The following DIP2B variants were observed in gnomAD, a reference collection of about 807,000 sequenced individuals.
DIP2B encodes DIP2 acetate--CoA ligase B (putative).
A neutral mutation model predicts 198.0 loss-of-function variants in DIP2B; 76 were observed. The ratio of observed to expected loss-of-function variants is 0.38; its 90% CI spans 0.32 to 0.46. DIP2B has a LOEUF of 0.46. Among genes scored for constraint, DIP2B ranks in the 20% least tolerant of loss-of-function variants. DIP2B has a pLI of 0.99. For missense variants in DIP2B, 1,559 were observed against 1,978.4 expected (o/e 0.79, Z 4.02); for synonymous variants, 701 against 739.1 (o/e 0.95, Z 0.84).
chr12:50,700,977 G>A (rs1479992291), intron 19 of DIP2B, among the ~76,000 whole-genome samples: 1 of 152,172 alleles, frequency 6.6e-6, no homozygotes, highest in Non-Finnish European at 1.5e-5. Flanking sequence ...CTCCCAAAGT[G>A]CAAAGATTAC....
chr12:50,735,060 C>T lies in DIP2B; in HGVS notation c.4044-13C>T, dbSNP rs752562932. 4.8e-5 allele frequency: 77 copies of T among 1,613,902 alleles called. No homozygotes were observed. Among genetic ancestry groups the T allele is most frequent in the Non-Finnish European group, 1.1e-5 (13 of 1,179,994 alleles). On this transcript the variant is annotated splice_polypyrimidine_tract_variant and intron_variant, in intron 33 of 37. Transcript: ENST00000301180. ...TAAAAGCCCTATATATAGTAAATAC[C>T]GTTCTTCTGCAGGGTTCGTCTCGTG...
chr12:50,625,354 T>C (rs914236391), intron 1 of DIP2B, among the ~76,000 whole-genome samples: 1 of 152,254 alleles, frequency 6.6e-6, no homozygotes, highest in Non-Finnish European at 1.5e-5. Flanking sequence ...TTGCATTTGT[T>C]GTATATGCAC....
chr12:50,600,088 G>T (rs1958922092), intron 1 of DIP2B, among the ~76,000 whole-genome samples: 1 of 152,182 alleles, frequency 6.6e-6, no homozygotes. Context: ...GAATCAGAAA[G>T]AACTATTTTC....
intron 4 of DIP2B, among the ~76,000 whole-genome samples, chr12:50,664,658 C>T (rs1352192871): frequency 6.6e-6 from 1 of 152,008 alleles, no homozygotes; most frequent in African/African-American, 2.4e-5. Flanking sequence ...TTACCCTTTG[C>T]TGCGTTCTGA....
chr12:50,713,435 T>C (rs187775662), intron 22 of DIP2B, among the ~76,000 whole-genome samples: 207 of 152,372 alleles, frequency 1.4e-3, no homozygotes, highest in African/African-American at 4.9e-3. Context: ...TCAGTTAACA[T>C]AATATTTAAT....
intron 3 of DIP2B, among the ~76,000 whole-genome samples, chr12:50,641,937 C>T (rs896260549): frequency 6.6e-5 from 10 of 152,154 alleles, no homozygotes; most frequent in African/African-American, 2.2e-4. Context: ...CTTCTTTGTA[C>T]TGACCAAGGT....
At chr12:50,627,620 C>G (rs558995582) in intron 2 of DIP2B, among the ~76,000 whole-genome samples, 3 of 152,210 alleles carry the variant, frequency 2.0e-5, no homozygotes, top group African/African-American at 7.2e-5. Flanking sequence ...TGAGCCACCA[C>G]GCCTGGCCTA....
intron 9 of DIP2B, among the ~76,000 whole-genome samples, 164 bp downstream of exon 9, chr12:50,680,927 A>C (rs980669394): frequency 3.9e-5 from 6 of 152,250 alleles, no homozygotes; most frequent in African/African-American, 1.2e-4. Context: ...GCCCAATGCC[A>C]GATGACAATT....
At chr12:50,699,421 A>G (rs1464436) in intron 19 of DIP2B, among the ~76,000 whole-genome samples, 151,600 of 152,282 alleles carry the variant, frequency 1, 75,466 homozygotes, top group Middle Eastern at 1. Context: ...TTTAAAATGT[A>G]AGTAATAATT....
chr12:50,702,757 A>AG (rs146376768), intron 19 of DIP2B, among the ~76,000 whole-genome samples: 13 of 146,672 alleles, frequency 8.9e-5, no homozygotes, highest in African/African-American at 3.0e-4. Context: ...AAAAAAAAAA[A>AG]AGGAGGGGTG....
At chr12:50,661,969 T>C (rs997240675) in intron 4 of DIP2B, among the ~76,000 whole-genome samples, 10 of 152,212 alleles carry the variant, frequency 6.6e-5, no homozygotes, top group African/African-American at 2.4e-4. Flanking sequence ...CAAAAGTCAC[T>C]GCCTGAGGGG....
chr12:50,686,740 C>T, intron 12 of DIP2B, 58 bp downstream of exon 12: 1 of 1,505,792 alleles, frequency 6.6e-7, no homozygotes, highest in East Asian at 2.3e-5. Flanking sequence ...TGCTTGCCAC[C>T]TTTCAAAATA....
rs201673094 is a variant in DIP2B at position 50,701,335 on chromosome 12, C to T, written c.2325+2133C>T. Among the ~76,000 whole-genome samples, 7 of 152,276 alleles carry T rather than the reference C, an allele frequency of 4.6e-5. No homozygotes were observed. In the East Asian group the frequency reaches 1.3e-3, roughly 29 times the overall value. ...GTTTACCAATGTAGTTAACATTTCA[C>T]TGGAGAAAAGATCTAGGTTTTAAAT... is the stretch of plus-strand genomic sequence containing the variant. On this transcript the variant is annotated intron_variant, in intron 19 of 37. Transcript: ENST00000301180.
chr12:50,631,991 T>G (rs1225784787), intron 2 of DIP2B, among the ~76,000 whole-genome samples: 1 of 138,226 alleles, frequency 7.2e-6, no homozygotes, highest in East Asian at 2.0e-4. Context: ...TTAATTTGAC[T>G]TTTTTTTTTT....
intron 1 of DIP2B, among the ~76,000 whole-genome samples, chr12:50,560,948 A>G (rs1400666876): frequency 6.6e-6 from 1 of 152,224 alleles, no homozygotes; most frequent in Non-Finnish European, 1.5e-5. Context: ...TGTCTGGCAA[A>G]TAAACTGTTT....
chr12:50,558,332 T>C (rs972003325), intron 1 of DIP2B, among the ~76,000 whole-genome samples: 2 of 152,216 alleles, frequency 1.3e-5, no homozygotes, highest in African/African-American at 4.8e-5. Flanking sequence ...AAAAACAAAA[T>C]AGGTCTAGAT....
chr12:50,640,445 C>G (rs1287687146), intron 2 of DIP2B, among the ~76,000 whole-genome samples: 1 of 152,194 alleles, frequency 6.6e-6, no homozygotes, highest in Non-Finnish European at 1.5e-5. Context: ...CCCATCAGTA[C>G]TGCCTCTCCT....
In DIP2B at chr12:50,652,346, TACAC is replaced by T. The variant is rs34791599; in HGVS notation, c.302-7827_302-7824del. On this transcript the variant is annotated intron_variant, in intron 3 of 37. Coordinates refer to ENST00000301180, the MANE Select transcript of DIP2B (RefSeq NM_173602.3). The stretch of plus-strand genomic sequence containing the variant: ...TATTATATATATATAATATATATAA[TACAC>T]ACACACACACACACACACACGCACA... Among the ~76,000 whole-genome samples, 602 of 140,344 alleles carry T rather than the reference TACAC, an allele frequency of 4.3e-3. 2 individuals carry two copies. Among genetic ancestry groups the T allele is most frequent in the Non-Finnish European group, 6.1e-3 (401 of 65,544 alleles). 92.1% of individuals were successfully genotyped at this position (140,344 alleles called of 152,430 possible). A position where few individuals can be genotyped will look rare whatever the true frequency, so the allele number is the denominator to read the frequency against.
At chr12:50,521,006 T>C (rs7312349) in intron 1 of DIP2B, among the ~76,000 whole-genome samples, 146,343 of 151,826 alleles carry the variant, frequency 0.96, 70,763 homozygotes, top group East Asian at 1. Flanking sequence ...CAAGGCCTGG[T>C]TGACGTTCCT....
Sources: gnomAD v4.1 joint callset for allele counts (sites outside exome capture counted in the v4.1 genomes callset) on GRCh38, gnomAD v4.1.1 for gene constraint, MANE v1.5 for transcripts, NCBI Gene and HGNC (gene_info 2026-07-23, HGNC 2026-07-21) for gene names.